Variants in LYN observed in about 807,000 individuals in gnomAD.
LYN encodes the protein LYN proto-oncogene, Src family tyrosine kinase.
In LYN, 12 loss-of-function variants were observed where a neutral mutation model predicts 65.0. That is an observed-to-expected ratio of 0.18 (90% CI 0.12 to 0.30). The LOEUF (loss-of-function observed/expected upper bound fraction) is 0.30, where lower values mean the gene tolerates loss of function less well. Ranked by LOEUF, LYN falls within the 10% of genes least tolerant of loss-of-function variation. The pLI is 1.00. For missense variants in LYN, 380 were observed against 623.2 expected (o/e 0.61, Z 4.16); for synonymous variants, 222 against 221.2 (o/e 1.00, Z -0.03).
In LYN at chr8:56,010,573, A is replaced by T. The variant is rs947245623; in HGVS notation, c.*463A>T. Reference sequence around the variant, plus strand: ...TCTTTGTGCTTTGGCTTACTTGTTTAAAAAAAAAAAAAAACTAATCCAACC... The same window carrying T: ...TCTTTGTGCTTTGGCTTACTTGTTTTAAAAAAAAAAAAAACTAATCCAACC... On this transcript the variant is annotated 3_prime_UTR_variant, in exon 13 of 13. Coordinates refer to ENST00000519728, the MANE Select transcript of LYN (RefSeq NM_002350.4). 4 of 158,504 alleles carry T rather than the reference A, an allele frequency of 2.5e-5. No individual in the cohort carries two copies. The highest frequency in any genetic ancestry group is 5.4e-5 in the African/African-American group (2 of 37,312). 9.8% of individuals were successfully genotyped at this position (158,504 alleles called of 1,614,324 possible). A position where few individuals can be genotyped will look rare whatever the true frequency, so the allele number is the denominator to read the frequency against.
intron 10 of LYN, among the ~76,000 whole-genome samples, chr8:55,981,297 A>G (rs1386415058): frequency 1.3e-5 from 2 of 152,118 alleles, no homozygotes; most frequent in Non-Finnish European, 2.9e-5. Flanking sequence ...CATAGCGTGT[A>G]CTGCAATTTG....
intron 8 of LYN, among the ~76,000 whole-genome samples, chr8:55,958,681 T>G (rs1017614681): frequency 5.3e-5 from 8 of 152,232 alleles, no homozygotes; most frequent in African/African-American, 1.4e-4. Flanking sequence ...TTTGACTACC[T>G]TAGGTACCTC....
At chr8:56,008,299 C>T (rs1808729047) in intron 12 of LYN, among the ~76,000 whole-genome samples, 1 of 152,056 alleles carries the variant, frequency 6.6e-6, no homozygotes, top group South Asian at 2.1e-4. Context: ...AGCCATTTCC[C>T]CTGAAGCTGC....
intron 12 of LYN, among the ~76,000 whole-genome samples, chr8:56,008,129 T>TAAAC (rs1808723617): frequency 8.2e-6 from 1 of 122,548 alleles, no homozygotes; most frequent in African/African-American, 3.6e-5. Flanking sequence ...AAAAAAAAAA[T>TAAAC]AAAATAAAAT....
intron 10 of LYN, among the ~76,000 whole-genome samples, chr8:55,970,871 C>A (rs1009331012): frequency 6.6e-6 from 1 of 152,192 alleles, no homozygotes; most frequent in Non-Finnish European, 1.5e-5. Context: ...ACTTTATTCA[C>A]CTGTAAAACA....
intron 1 of LYN, among the ~76,000 whole-genome samples, chr8:55,897,243 G>A (rs928016040): frequency 2.6e-5 from 4 of 152,106 alleles, no homozygotes; most frequent in Admixed American, 1.3e-4. Flanking sequence ...TTCATGTGAC[G>A]CCTATCATGC....
chr8:55,990,704 T>C (rs1585672284), intron 10 of LYN, among the ~76,000 whole-genome samples: 1 of 152,186 alleles, frequency 6.6e-6, no homozygotes, highest in Non-Finnish European at 1.5e-5. Context: ...TATTTTAATG[T>C]GAATGCTGGT....
chr8:55,893,715 G>C (rs1271379936), intron 1 of LYN: 1 of 152,106 alleles, frequency 6.6e-6, no homozygotes, highest in African/African-American at 2.4e-5. Flanking sequence ...TAGCAAAACT[G>C]TTCCAGATAT....
intron 1 of LYN, among the ~76,000 whole-genome samples, chr8:55,927,074 C>T (rs1298836328): frequency 6.6e-6 from 1 of 152,180 alleles, no homozygotes; most frequent in Non-Finnish European, 1.5e-5. Flanking sequence ...CATTTGTTAT[C>T]ACTGATAAGC....
intron 7 of LYN, among the ~76,000 whole-genome samples, chr8:55,953,538 C>T (rs553938233): frequency 3.2e-4 from 49 of 152,028 alleles, no homozygotes; most frequent in Non-Finnish European, 5.7e-4. Flanking sequence ...ATCCCAGTTA[C>T]TTTGGAGGCT....
At chr8:55,993,880 G>C (rs1413848703) in intron 10 of LYN, among the ~76,000 whole-genome samples, 1 of 152,188 alleles carries the variant, frequency 6.6e-6, no homozygotes, top group Non-Finnish European at 1.5e-5. Context: ...TCCCACAGAA[G>C]TCAAGCTTTC....
At chr8:55,880,751 C>G (rs144561586) in intron 1 of LYN, among the ~76,000 whole-genome samples, 1 of 152,230 alleles carries the variant, frequency 6.6e-6, no homozygotes, top group Non-Finnish European at 1.5e-5. Flanking sequence ...GTGCTTTTGC[C>G]GGCTGAGAGG....
At chr8:55,953,775 A>G in intron 7 of LYN, 57 bp from the exon 8 acceptor site, 1 of 1,554,244 alleles carries the variant, frequency 6.4e-7, no homozygotes, top group Non-Finnish European at 8.8e-7. Context: ...CTTTATAGAC[A>G]CAGGTAAAGT....
intron 1 of LYN, among the ~76,000 whole-genome samples, chr8:55,925,404 C>T (rs188956499): frequency 5.9e-4 from 90 of 152,296 alleles, no homozygotes; most frequent in Non-Finnish European, 1.1e-3. Flanking sequence ...ATTACAGGTC[C>T]GAGCCACTGC....
intron 8 of LYN, among the ~76,000 whole-genome samples, chr8:55,964,007 A>G (rs117425257): frequency 0.014 from 2,107 of 152,280 alleles, 20 homozygotes; most frequent in Middle Eastern, 0.024. Flanking sequence ...TGTTGGTGGA[A>G]TGTACTTTAC....
At chr8:56,002,203 A>G (rs555754240) in intron 12 of LYN, among the ~76,000 whole-genome samples, 1 of 152,258 alleles carries the variant, frequency 6.6e-6, no homozygotes, top group African/African-American at 2.4e-5. Flanking sequence ...GCGGATCACA[A>G]GGTCAGGAGA....
chr8:55,885,705 G>T (rs1329382097), intron 1 of LYN, among the ~76,000 whole-genome samples: 2 of 152,230 alleles, frequency 1.3e-5, no homozygotes, highest in African/African-American at 4.8e-5. Context: ...TCTCAGAGAG[G>T]CTCTCTGGAG....
rs769283820 is a variant in LYN at position 55,999,402 on chromosome 8, A to G, written c.1205-16A>G. 1.1e-5 allele frequency: 18 copies of G among 1,611,666 alleles called. No homozygotes were observed. Among genetic ancestry groups the G allele is most frequent in the South Asian group, 7.7e-5 (7 of 90,868 alleles). On this transcript the variant is annotated splice_polypyrimidine_tract_variant and intron_variant, in intron 11 of 12. Coordinates refer to ENST00000519728, the MANE Select transcript of LYN (RefSeq NM_002350.4). ...GTTTAAATACCCAAGTAAGAACCAC[A>G]TATCTTCTTCCTTAGGTGCTAAGTT...
At chr8:55,932,360 T>G (rs1806295149) in intron 1 of LYN, among the ~76,000 whole-genome samples, 1 of 152,186 alleles carries the variant, frequency 6.6e-6, no homozygotes, top group Non-Finnish European at 1.5e-5. Context: ...ATCCTTAGCT[T>G]TCTAAAAAAT....
Sources: gnomAD v4.1 joint callset for allele counts (sites outside exome capture counted in the v4.1 genomes callset) on GRCh38, gnomAD v4.1.1 for gene constraint, MANE v1.5 for transcripts, NCBI Gene and HGNC (gene_info 2026-07-23, HGNC 2026-07-21) for gene names.